SEC14L2: variants seen among roughly 807,000 people sequenced by gnomAD.
SEC14L2 encodes SEC14-like protein 2.
Under a neutral mutation model 56.9 loss-of-function variants are expected in SEC14L2, and 50 were observed. The observed-to-expected ratio is 0.88, with a 90% CI of 0.70 to 1.11. The LOEUF is 1.11. SEC14L2 is among the 50% of genes most tolerant of loss of function. The pLI is 0.00. For missense variants in SEC14L2, 414 were observed against 500.7 expected (o/e 0.83, Z 1.65); for synonymous variants, 179 against 188.5 (o/e 0.95, Z 0.41).
At chr22:30,416,779 G>A in intron 11 of SEC14L2, 2 of 1,232,018 alleles carry the variant, frequency 1.6e-6, no homozygotes, top group East Asian at 3.9e-5. Context: ...GTGGGCATGG[G>A]ATCACAAGGT....
At chr22:30,400,282 C>A (rs928670322) in intron 2 of SEC14L2, 7 of 152,856 alleles carry the variant, frequency 4.6e-5, no homozygotes, top group African/African-American at 1.7e-4. Context: ...GGTCCTGGTT[C>A]CAGCTCTTCC....
At chr22:30,408,936 C>A in intron 5 of SEC14L2, 1 of 550,684 alleles carries the variant, frequency 1.8e-6, no homozygotes, top group Non-Finnish European at 3.4e-6. Context: ...AGAACCAAAG[C>A]CATCTCAGAT....
Position 30,407,125 on chromosome 22 carries a change from G to A in SEC14L2, c.205G>A (p.Asp69Asn), listed in dbSNP as rs142009018. 3.9e-4 allele frequency: 629 copies of A among 1,613,976 alleles called. 3 individuals are homozygous for A. The African/African-American group carries it at 7.4e-3, about 19-fold the overall frequency. Residue 69 changes from aspartate (D) to asparagine (N), a missense_variant, in exon 4 of 12, where the codon GAC becomes AAC. Coordinates refer to ENST00000615189, the MANE Select transcript of SEC14L2 (RefSeq NM_012429.5). ...HVEFRKQKDI[D>N]NIISWQPPEV... ...GGAGTTCCGAAAGCAAAAGGACATT[G>A]ACAACATCATTAGCTGGCAGCCTCC...
rs1934091773 is a variant in SEC14L2, at chr22:30,406,342, C to T, written c.131C>T (p.Ala44Val). ...DDYFLLRWLR[A>V]RSFDLQKSEA... ...GACCAGAACTGTTTCCCTGTTACAGCCAGAAGCTTCGACCTGCAGAAGTCG... is the reference window on the plus strand; with the variant it reads ...GACCAGAACTGTTTCCCTGTTACAGTCAGAAGCTTCGACCTGCAGAAGTCG... Residue 44 changes from alanine to valine, a missense_variant and splice_region_variant, in exon 3 of 12, where the codon GCC becomes GTC. By Grantham distance (64) the Ala-to-Val change is moderately conservative (BLOSUM62 0). Coordinates refer to ENST00000615189, the MANE Select transcript of SEC14L2 (RefSeq NM_012429.5). The T allele has an allele frequency of 1.2e-6, 2 of 1,613,964 alleles. No individual in the cohort carries two copies. The highest frequency in any genetic ancestry group is 2.7e-5 in the African/African-American group (2 of 74,892).
intron 4 of SEC14L2, 86 bp from the exon 5 acceptor site, chr22:30,407,329 T>C (rs1049578071): frequency 1.8e-5 from 27 of 1,511,900 alleles, no homozygotes; most frequent in Non-Finnish European, 2.2e-5. Flanking sequence ...TAGAGAAAGA[T>C]ACTGATGAAC....
Position 30,422,530 on chromosome 22 carries a change from A to G in SEC14L2, c.*123A>G. Reference sequence around the variant, plus strand: ...ACTGGGCTGGAGGACAGACCTCAGGAGCTTTCATTTCAGTTAGGCAGAGGA... The same window carrying G: ...ACTGGGCTGGAGGACAGACCTCAGGGGCTTTCATTTCAGTTAGGCAGAGGA... On this transcript the variant is annotated 3_prime_UTR_variant, in exon 12 of 12. Transcript: ENST00000615189. 1 of 1,264,208 alleles carries G rather than the reference A, an allele frequency of 7.9e-7. No homozygotes were observed. The highest frequency in any genetic ancestry group is 1.1e-6 in the Non-Finnish European group (1 of 917,848). The allele number at this position is 1,264,208 out of a possible 1,614,324, so 78.3% of individuals were successfully genotyped here.
intron 8 of SEC14L2, among the ~76,000 whole-genome samples, chr22:30,414,882 G>A (rs1175211384): frequency 6.6e-6 from 1 of 152,176 alleles, no homozygotes; most frequent in Non-Finnish European, 1.5e-5. Context: ...ACTCTACAGA[G>A]ATGCATTTAC....
chr22:30,400,751 C>T (rs1569204695), intron 2 of SEC14L2, among the ~76,000 whole-genome samples: 1 of 151,530 alleles, frequency 6.6e-6, no homozygotes, highest in South Asian at 2.1e-4. Context: ...AAAAATTAGC[C>T]GGGCATGGTG....
chr22:30,405,875 T>G (rs1005114179), intron 2 of SEC14L2, among the ~76,000 whole-genome samples: 24 of 152,148 alleles, frequency 1.6e-4, no homozygotes, highest in African/African-American at 5.3e-4. Flanking sequence ...GTTTTGTTTT[T>G]TTGGAGAGAC....
intron 5 of SEC14L2, 84 bp downstream of exon 5, chr22:30,407,687 G>C: frequency 7.4e-6 from 9 of 1,218,836 alleles, no homozygotes; most frequent in Non-Finnish European, 1.0e-5. Flanking sequence ...AGGAATATAA[G>C]CACAGCTTCA....
At chr22:30,417,247 G>A (rs1313718583) in intron 11 of SEC14L2, among the ~76,000 whole-genome samples, 1 of 152,220 alleles carries the variant, frequency 6.6e-6, no homozygotes, top group Non-Finnish European at 1.5e-5. Context: ...GAACTCTGGG[G>A]AAATTTATGC....
intron 9 of SEC14L2, 38 bp downstream of exon 9, chr22:30,415,903 C>G: frequency 6.2e-7 from 1 of 1,614,168 alleles, no homozygotes; most frequent in African/African-American, 1.3e-5. Flanking sequence ...ACAGGGATGC[C>G]TGGCTCAAAT....
At chr22:30,421,125 G>A (rs1934504728) in intron 11 of SEC14L2, 1 of 151,590 alleles carries the variant, frequency 6.6e-6, no homozygotes, top group Admixed American at 6.6e-5. Context: ...TGACAATCAG[G>A]TTATCTTAAA....
At position 30,424,488 on chromosome 22, in the gene SEC14L2, C is replaced by A; in HGVS notation, c.*2081C>A. On this transcript the variant is annotated 3_prime_UTR_variant, in exon 12 of 12. Coordinates refer to ENST00000615189, the MANE Select transcript of SEC14L2 (RefSeq NM_012429.5). ...CCTCAATAGTTACTCATTTTCTCTA[C>A]CTTTGATGAAAATAAGAGCTAATTC... The A allele has an allele frequency of 2.9e-6, 1 of 343,502 alleles. No homozygotes were observed. The highest frequency in any genetic ancestry group is 2.2e-5 in the South Asian group (1 of 44,702). 21.3% of individuals were successfully genotyped at this position (343,502 alleles called of 1,614,324 possible). A position where few individuals can be genotyped will look rare whatever the true frequency, so the allele number is the denominator to read the frequency against.
intron 2 of SEC14L2, among the ~76,000 whole-genome samples, chr22:30,403,221 C>A (rs2146011651): frequency 6.6e-6 from 1 of 152,358 alleles, no homozygotes; most frequent in East Asian, 1.9e-4. Flanking sequence ...TCCTCTCCCT[C>A]CCTTTCTCCA....
In SEC14L2 at chr22:30,416,103, C is replaced by T. The variant is rs559656308; in HGVS notation, c.911+16C>T. The T allele has an allele frequency of 6.2e-7, 1 of 1,613,864 alleles. No individual in the cohort carries two copies. Among genetic ancestry groups the T allele is most frequent in the Admixed American group, 1.7e-5 (1 of 60,014 alleles). ...GTGTCCTCAGGTAGGGGCCTGGGCC[C>T]TTCCAGGAGACCCGAGCTTTCATCT... On this transcript the variant is annotated intron_variant, in intron 10 of 11. Coordinates refer to ENST00000615189, the MANE Select transcript of SEC14L2 (RefSeq NM_012429.5).
chr22:30,399,807 T>G (rs886487255), intron 2 of SEC14L2, 89 bp downstream of exon 2: 54 of 1,185,588 alleles, frequency 4.6e-5, no homozygotes, highest in Non-Finnish European at 6.0e-6. Flanking sequence ...CCTTGGCAAT[T>G]GAGGCATCTA....
At chr22:30,416,213 A>G (rs548061994) in intron 10 of SEC14L2, 21 bp from the exon 11 acceptor site, 2 of 1,612,210 alleles carry the variant, frequency 1.2e-6, no homozygotes, top group South Asian at 2.2e-5. Flanking sequence ...ATTATGTCTC[A>G]ATTGGTGATA....
At chr22:30,398,938 A>G in intron 1 of SEC14L2, 1 of 395,988 alleles carries the variant, frequency 2.5e-6, no homozygotes, top group Non-Finnish European at 5.4e-6. Context: ...GTTGTGAGTG[A>G]GGAGTAAATA....
Sources: allele counts gnomAD v4.1 joint callset (sites outside exome capture counted in the v4.1 genomes callset), GRCh38; gene constraint gnomAD v4.1.1; transcripts MANE v1.5; gene names NCBI Gene and HGNC (gene_info 2026-07-23, HGNC 2026-07-21).